KCTD2: variants seen among roughly 807,000 people sequenced by gnomAD.
KCTD2 encodes the protein potassium channel tetramerization domain containing 2, also known as BTB/POZ domain-containing protein KCTD2.
A neutral mutation model predicts 27.9 loss-of-function variants in KCTD2; 18 were observed. The ratio of observed to expected loss-of-function variants is 0.64; its 90% confidence interval spans 0.45 to 0.96. The LOEUF (loss-of-function observed/expected upper bound fraction) is 0.96, where lower values mean the gene tolerates loss of function less well. Among genes scored for constraint, KCTD2 ranks in the 40% least tolerant of loss-of-function variants. KCTD2 has a pLI of 0.00. For missense variants in KCTD2, 280 were observed against 348.0 expected (o/e 0.80, Z 1.56); for synonymous variants, 175 against 148.4 (o/e 1.18, Z -1.30).
chr17:75,057,068 C>T (rs1419201890), intron 3 of KCTD2, among the ~76,000 whole-genome samples: 1 of 150,088 alleles, frequency 6.7e-6, no homozygotes, highest in Admixed American at 6.8e-5. Context: ...GATTCACCTG[C>T]CTCAGCTTCC....
intron 3 of KCTD2, among the ~76,000 whole-genome samples, chr17:75,037,665 C>A (rs549435293): frequency 1.2e-3 from 180 of 152,316 alleles, no homozygotes; most frequent in African/African-American, 4.0e-3. Context: ...TGATCTACTA[C>A]CTTGCTTTAA....
chr17:75,041,891 A>G, intron 3 of KCTD2: 1 of 265,020 alleles, frequency 3.8e-6, no homozygotes, highest in Non-Finnish European at 7.1e-6. Context: ...CAGGTTGCCT[A>G]AGAAGGGGTG....
At chr17:75,039,359 C>G (rs2073135136) in intron 3 of KCTD2, 2 of 1,193,740 alleles carry the variant, frequency 1.7e-6, no homozygotes, top group African/African-American at 3.0e-5. Context: ...CAGCCCACTC[C>G]TGCTGTCCTA....
At chr17:75,062,699 A>ACACACACACACACACAC (rs1555642380) in intron 5 of KCTD2, among the ~76,000 whole-genome samples, 13 of 116,072 alleles carry the variant, frequency 1.1e-4, no homozygotes, top group Admixed American at 1.8e-4. Context: ...CCTCACCCCC[A>ACACACACACACACACAC]ACACACACAC....
At chr17:75,039,258 G>C (rs2073134056) in intron 3 of KCTD2, 1 of 1,613,926 alleles carries the variant, frequency 6.2e-7, no homozygotes, top group African/African-American at 1.3e-5. Flanking sequence ...CACCCACTCA[G>C]CACAAGATTT....
chr17:75,033,349 T>C (rs985502718), intron 1 of KCTD2, among the ~76,000 whole-genome samples: 2 of 152,028 alleles, frequency 1.3e-5, no homozygotes, highest in African/African-American at 4.8e-5. Flanking sequence ...AGAATTAGGG[T>C]GAAATATCTA....
intron 1 of KCTD2, chr17:75,048,967 C>T (rs1287643075): frequency 2.8e-5 from 9 of 316,502 alleles, no homozygotes; most frequent in Non-Finnish European, 4.0e-5. Flanking sequence ...AGTAAGTAAA[C>T]GCCTAAATGA....
intron 1 of KCTD2, among the ~76,000 whole-genome samples, chr17:75,048,293 C>T (rs997867710): frequency 3.3e-5 from 5 of 152,146 alleles, no homozygotes; most frequent in Admixed American, 2.6e-4. Context: ...GGTGACAAGA[C>T]ACTTAAACCA....
At chr17:75,038,118 A>G (rs775540863) in intron 3 of KCTD2, among the ~76,000 whole-genome samples, 13 of 152,072 alleles carry the variant, frequency 8.5e-5, no homozygotes, top group Non-Finnish European at 1.3e-4. Flanking sequence ...ACTGTGCAAC[A>G]TAAGTTTCCC....
chr17:75,065,120 T>G lies in KCTD2; in HGVS notation c.*2073T>G, dbSNP rs2073443779. 2 of 151,980 alleles carry G rather than the reference T, an allele frequency of 1.3e-5. No homozygotes were observed. Among genetic ancestry groups the G allele is most frequent in the African/African-American group, 2.4e-5 (1 of 41,286 alleles). 9.4% of individuals were successfully genotyped at this position (151,980 alleles called of 1,614,324 possible). ...TTTCCTTCATTCCTCTTAGATTCCA[T>G]AGTTGCCGCCATGAAAAGACTGCTC... On this transcript the variant is annotated 3_prime_UTR_variant, in exon 6 of 6. Coordinates refer to ENST00000322444, the MANE Select transcript of KCTD2 (RefSeq NM_015353.3).
chr17:75,039,922 C>T, intron 3 of KCTD2: 1 of 714,786 alleles, frequency 1.4e-6, no homozygotes, highest in Non-Finnish European at 2.4e-6. Flanking sequence ...GCTTCTTTCA[C>T]TCCGCATAAT....
In KCTD2 at chr17:75,065,305, G is replaced by A. The variant is rs1270303265; in HGVS notation, c.*2258G>A. 1 of 152,180 alleles carries A rather than the reference G, an allele frequency of 6.6e-6. No homozygotes were observed. The highest frequency in any genetic ancestry group is 1.5e-5 in the Non-Finnish European group (1 of 68,068). 9.4% of individuals were successfully genotyped at this position (152,180 alleles called of 1,614,324 possible). A position where few individuals can be genotyped will look rare whatever the true frequency, so the allele number is the denominator to read the frequency against. The stretch of plus-strand genomic sequence containing the variant: ...GGACTCTGGGTTCTTAAGATTTCTG[G>A]GAGCGTTGTTCACCCACCCCCTTTA... On this transcript the variant is annotated 3_prime_UTR_variant, in exon 6 of 6. Transcript: ENST00000322444.
intron 3 of KCTD2, chr17:75,039,016 C>G: frequency 6.2e-7 from 1 of 1,614,132 alleles, no homozygotes; most frequent in Non-Finnish European, 8.5e-7. Flanking sequence ...CATTCAAGTC[C>G]TCAATGGTCA....
intron 2 of KCTD2, among the ~76,000 whole-genome samples, chr17:75,049,814 A>G (rs2073266196): frequency 6.6e-6 from 1 of 152,172 alleles, no homozygotes; most frequent in Non-Finnish European, 1.5e-5. Flanking sequence ...TTCATTCTCT[A>G]GTTCATTGTC....
At chr17:75,033,509 A>C (rs552843669) in intron 1 of KCTD2, among the ~76,000 whole-genome samples, 35 of 152,290 alleles carry the variant, frequency 2.3e-4, no homozygotes, top group Non-Finnish European at 3.4e-4. Context: ...TTCATGATTA[A>C]TACTTGTCTG....
chr17:75,034,969 G>C (rs1330615248), intron 2 of KCTD2, among the ~76,000 whole-genome samples: 1 of 152,148 alleles, frequency 6.6e-6, no homozygotes, highest in Non-Finnish European at 1.5e-5. Context: ...CTCCGCTCGG[G>C]GGTGACTAGG....
chr17:75,038,813 A>C (rs776415161), intron 3 of KCTD2: 2 of 1,239,050 alleles, frequency 1.6e-6, no homozygotes, highest in Non-Finnish European at 2.2e-6. Flanking sequence ...AGGCCAGCTC[A>C]GAAGAGAGGC....
In KCTD2 at chr17:75,047,385, C is replaced by T; in HGVS notation, c.135C>T (p.Gly45=). 3 of 1,139,076 alleles carry T rather than the reference C, an allele frequency of 2.6e-6. No individual in the cohort carries two copies. Among genetic ancestry groups the T allele is most frequent in the Non-Finnish European group, 3.2e-6 (3 of 929,832 alleles). The allele number at this position is 1,139,076 out of a possible 1,614,324, so 70.6% of individuals were successfully genotyped here. The change falls in exon 1 of 6, where the codon GGC becomes GGT. Residue 45 remains glycine (G), a synonymous_variant. Coordinates refer to ENST00000322444, the MANE Select transcript of KCTD2 (RefSeq NM_015353.3). ...RPAGPTPRGH[G]RPAAAVAQPL... ...CTGGCCCCACGCCCCGCGGGCACGG[C>T]CGCCCGGCTGCCGCCGTCGCGCAGC... is the stretch of plus-strand genomic sequence containing the variant.
chr17:75,033,738 A>G (rs1479173609), intron 1 of KCTD2, among the ~76,000 whole-genome samples: 1 of 152,216 alleles, frequency 6.6e-6, no homozygotes, highest in Non-Finnish European at 1.5e-5. Context: ...CTCGCTAAGT[A>G]AGGATGGGGG....
Sources: allele counts gnomAD v4.1 joint callset (sites outside exome capture counted in the v4.1 genomes callset), GRCh38; gene constraint gnomAD v4.1.1; transcripts MANE v1.5; gene names NCBI Gene and HGNC (gene_info 2026-07-23, HGNC 2026-07-21).